The following RAD51C variants were observed in gnomAD, a reference collection of about 807,000 sequenced individuals.
RAD51C encodes DNA repair protein RAD51 homolog 3.
A neutral mutation model predicts 45.0 loss-of-function variants in RAD51C; 42 were observed. The observed-to-expected ratio is 0.93, with a 90% confidence interval of 0.73 to 1.21. The LOEUF is 1.21. Ranked by LOEUF, RAD51C falls within the 50% of genes most tolerant of loss-of-function variation. RAD51C has a pLI of 0.00. For missense variants in RAD51C, 474 were observed against 452.2 expected, an observed-to-expected ratio of 1.05 and a Z score of -0.44; for synonymous variants, 172 against 159.8, an observed-to-expected ratio of 1.08 and a Z score of -0.58.
At chr17:58,719,733 T>A (rs1276385135) in intron 5 of RAD51C, among the ~76,000 whole-genome samples, 1 of 150,278 alleles carries the variant, frequency 6.7e-6, no homozygotes, top group African/African-American at 2.4e-5. Flanking sequence ...TTTTTAATTT[T>A]TTTTTTTTTT....
chr17:58,701,854 C>T (rs1390876166), intron 3 of RAD51C, among the ~76,000 whole-genome samples: 1 of 151,978 alleles, frequency 6.6e-6, no homozygotes, highest in East Asian at 1.9e-4. Flanking sequence ...TGAGCCACCA[C>T]GCCCAGCCTC....
chr17:58,706,532 C>A, intron 4 of RAD51C: 1 of 464,094 alleles, frequency 2.2e-6, no homozygotes. Context: ...TGTGGGGTGG[C>A]CCTGCCCCTT....
At chr17:58,726,816 T>G (rs2049172520) in intron 7 of RAD51C, among the ~76,000 whole-genome samples, 1 of 151,562 alleles carries the variant, frequency 6.6e-6, no homozygotes, top group Admixed American at 6.6e-5. Flanking sequence ...ATAGCTGACT[T>G]TATAAACTTT....
intron 6 of RAD51C, among the ~76,000 whole-genome samples, chr17:58,723,557 AG>A (rs1274623665): frequency 6.6e-6 from 1 of 151,986 alleles, no homozygotes; most frequent in Non-Finnish European, 1.5e-5. Flanking sequence ...GCTTATTTCT[AG>A]CCTTTATATA....
intron 2 of RAD51C, among the ~76,000 whole-genome samples, chr17:58,696,323 C>G (rs1212478397): frequency 6.6e-6 from 1 of 152,064 alleles, no homozygotes; most frequent in African/African-American, 2.4e-5. Flanking sequence ...GTCCTAGCTA[C>G]TCGGGCAGCT....
intron 3 of RAD51C, among the ~76,000 whole-genome samples, chr17:58,701,680 C>T (rs2143786425): frequency 6.6e-6 from 1 of 151,468 alleles, no homozygotes; most frequent in South Asian, 2.1e-4. Context: ...AAGCCAGTCT[C>T]CTGCCTCAGC....
At chr17:58,734,016 C>T in intron 8 of RAD51C, 102 bp from the exon 9 acceptor site, 4 of 1,517,210 alleles carry the variant, frequency 2.6e-6, no homozygotes, top group Non-Finnish European at 2.7e-6. Context: ...GCGCCTGGCC[C>T]TAGAATAAAG....
rs987474855 is a variant in RAD51C at position 58,734,591 on chromosome 17, T to G, written c.*369T>G. 16 of 146,986 alleles carry G rather than the reference T, an allele frequency of 1.1e-4. No individual in the cohort carries two copies. Among genetic ancestry groups the G allele is most frequent in the South Asian group, 4.0e-4 (3 of 7,526 alleles). 9.1% of individuals were successfully genotyped at this position (146,986 alleles called of 1,614,324 possible). A position where few individuals can be genotyped will look rare whatever the true frequency, so the allele number is the denominator to read the frequency against. ...AAACATATCATATTCTTATTGTGTT[T>G]TTTTTTTTTTTTTTTTTTTTGGAGA... On this transcript the variant is annotated 3_prime_UTR_variant, in exon 9 of 9. Coordinates refer to ENST00000337432, the MANE Select transcript of RAD51C (RefSeq NM_058216.3).
intron 3 of RAD51C, 74 bp downstream of exon 3, chr17:58,696,933 A>G: frequency 1.3e-6 from 2 of 1,503,548 alleles, no homozygotes; most frequent in Non-Finnish European, 1.8e-6. Context: ...CTGAGACCTC[A>G]GCAACACTCC....
At chr17:58,711,732 A>G (rs2048563376) in intron 5 of RAD51C, among the ~76,000 whole-genome samples, 2 of 151,834 alleles carry the variant, frequency 1.3e-5, no homozygotes, top group Admixed American at 6.6e-5. Flanking sequence ...TCAGCCTCCT[A>G]AAGTACTAGG....
At chr17:58,698,081 G>A (rs765836343) in intron 3 of RAD51C, among the ~76,000 whole-genome samples, 4 of 151,456 alleles carry the variant, frequency 2.6e-5, no homozygotes, top group Admixed American at 6.6e-5. Flanking sequence ...GCGCGATCTC[G>A]GCTCACTGCA....
chr17:58,705,347 G>A (rs1050490786), intron 4 of RAD51C, among the ~76,000 whole-genome samples: 1 of 150,934 alleles, frequency 6.6e-6, no homozygotes, highest in African/African-American at 2.4e-5. Flanking sequence ...TTTTTTTTGG[G>A]GGGGGGGTGG....
intron 4 of RAD51C, among the ~76,000 whole-genome samples, chr17:58,703,557 T>G (rs964351755): frequency 6.6e-6 from 1 of 152,214 alleles, no homozygotes; most frequent in African/African-American, 2.4e-5. Context: ...GAAGTTTCAT[T>G]TCCAGTAATA....
chr17:58,732,953 A>G (rs1470029986), intron 8 of RAD51C, among the ~76,000 whole-genome samples: 3 of 152,220 alleles, frequency 2.0e-5, no homozygotes, highest in Non-Finnish European at 1.5e-5. Flanking sequence ...AATTTACATC[A>G]TAGAACACAC....
chr17:58,723,394 T>A (rs767693098), intron 6 of RAD51C, among the ~76,000 whole-genome samples: 2 of 152,076 alleles, frequency 1.3e-5, no homozygotes, highest in African/African-American at 2.4e-5. Flanking sequence ...ATAATAAATG[T>A]CCAGGTGCCC....
At chr17:58,692,589 CCCCA>C (rs1170424948), upstream of RAD51C, 2 of 1,609,620 alleles carry the variant, frequency 1.2e-6, no homozygotes, top group Non-Finnish European at 1.7e-6. Context: ...ACGCCGCACG[CCCCA>C]GCGAGGGCGT....
At position 58,692,624 on chromosome 17, in the gene RAD51C, G is replaced by A. The variant is rs1555591701; in HGVS notation, c.-20G>A. ...GGCGTGCGGAGTTTGGCTGCTCCGG[G>A]GTTAGCAGGTGAGCCTGCGATGCGC... On this transcript the variant is annotated 5_prime_UTR_variant, in exon 1 of 9. Coordinates refer to ENST00000337432, the MANE Select transcript of RAD51C (RefSeq NM_058216.3). The A allele has an allele frequency of 2.5e-6, 4 of 1,613,620 alleles. No individual in the cohort carries two copies. Among genetic ancestry groups the A allele is most frequent in the East Asian group, 2.2e-5 (1 of 44,876 alleles).
intron 2 of RAD51C, 126 bp downstream of exon 2, chr17:58,695,315 T>A: frequency 7.0e-7 from 1 of 1,423,184 alleles, no homozygotes. Context: ...TGTATGTGCA[T>A]TAAACAAAAA....
intron 3 of RAD51C, among the ~76,000 whole-genome samples, chr17:58,697,212 AT>A (rs1156886814): frequency 6.6e-6 from 1 of 152,196 alleles, no homozygotes; most frequent in African/African-American, 2.4e-5. Context: ...GGACTTCCAT[AT>A]TGGTTTTCCA....
Sources: allele counts gnomAD v4.1 joint callset (sites outside exome capture counted in the v4.1 genomes callset), GRCh38; gene constraint gnomAD v4.1.1; transcripts MANE v1.5; gene names NCBI Gene and HGNC (gene_info 2026-07-23, HGNC 2026-07-21).